CCDC57: variants seen among roughly 807,000 people sequenced by gnomAD.
CCDC57 encodes the protein coiled-coil domain-containing protein 57.
Under a neutral mutation model 118.9 loss-of-function variants are expected in CCDC57, and 118 were observed. The observed-to-expected ratio is 0.99, with a 90% CI of 0.86 to 1.16. CCDC57 has a LOEUF of 1.16. Among genes scored for constraint, CCDC57 ranks in the 50% most tolerant of loss-of-function variants. The pLI is 0.00. For missense variants in CCDC57, 1,300 were observed against 1,320.7 expected (o/e 0.98, Z 0.24); for synonymous variants, 527 against 532.9 (o/e 0.99, Z 0.15).
intron 2 of CCDC57, among the ~76,000 whole-genome samples, chr17:82,205,144 T>C (rs1223399664): frequency 6.6e-6 from 1 of 152,218 alleles, no homozygotes; most frequent in Admixed American, 6.5e-5. Flanking sequence ...AATTGGACTA[T>C]CAGCAAATAC....
chr17:82,203,244 T>C (rs1412318771), intron 2 of CCDC57, among the ~76,000 whole-genome samples: 1 of 152,150 alleles, frequency 6.6e-6, no homozygotes, highest in Admixed American at 6.5e-5. Flanking sequence ...CTGCTCCTCT[T>C]TCACCTTCCG....
chr17:82,108,259 G>C (rs1003760063), intron 19 of CCDC57, among the ~76,000 whole-genome samples: 2 of 152,184 alleles, frequency 1.3e-5, no homozygotes, highest in African/African-American at 4.8e-5. Flanking sequence ...TGGCTTGCCC[G>C]GGTCCTGGAG....
At chr17:82,198,816 C>T (rs1335805360) in intron 3 of CCDC57, among the ~76,000 whole-genome samples, 4 of 151,664 alleles carry the variant, frequency 2.6e-5, no homozygotes, top group East Asian at 3.9e-4. Context: ...CGGTGAAACC[C>T]CGTCTCTACA....
chr17:82,145,676 G>A (rs1257784873), intron 16 of CCDC57, among the ~76,000 whole-genome samples: 3 of 152,330 alleles, frequency 2.0e-5, no homozygotes, highest in Middle Eastern at 3.4e-3. Flanking sequence ...TGAGCTCCAG[G>A]CACTGCCCAC....
intron 19 of CCDC57, among the ~76,000 whole-genome samples, chr17:82,119,940 C>T (rs548967981): frequency 3.9e-5 from 6 of 152,148 alleles, no homozygotes; most frequent in African/African-American, 7.2e-5. Flanking sequence ...AGAGGTTGGC[C>T]GTGCCCTGGG....
chr17:82,146,702 C>T (rs991373814), intron 16 of CCDC57, among the ~76,000 whole-genome samples: 1 of 152,230 alleles, frequency 6.6e-6, no homozygotes, highest in Admixed American at 6.5e-5. Context: ...TCCATTGAGT[C>T]CTCCCTATGG....
chr17:82,163,072 C>T lies in CCDC57; in HGVS notation c.2040+128G>A, dbSNP rs533567957. On this transcript the variant is annotated intron_variant, in intron 14 of 19. Transcript: ENST00000665763. ...CCACAGCCCCTTCCTCAGAAAAAAACAGGCAGAGAGAGGTCAGTGGATGCC... is the reference window on the plus strand; with the variant it reads ...CCACAGCCCCTTCCTCAGAAAAAAATAGGCAGAGAGAGGTCAGTGGATGCC... 1.4e-4 allele frequency: 163 copies of T among 1,156,894 alleles called. No homozygotes were observed. In the African/African-American group the frequency reaches 2.3e-3, roughly 16 times the overall value. The allele number at this position is 1,156,894 out of a possible 1,614,324, so 71.7% of individuals were successfully genotyped here.
intron 15 of CCDC57, 190 bp downstream of exon 14, chr17:82,157,558 G>A (rs901319878): frequency 1.4e-5 from 20 of 1,430,956 alleles, no homozygotes; most frequent in Non-Finnish European, 1.7e-5. Context: ...GGAGGCGTGT[G>A]GAGGAAGAAG....
At chr17:82,169,606 G>A (rs777108190) in intron 13 of CCDC57, among the ~76,000 whole-genome samples, 2 of 152,178 alleles carry the variant, frequency 1.3e-5, no homozygotes, top group Non-Finnish European at 2.9e-5. Flanking sequence ...TGTCAAGCTC[G>A]GTGATGCTGG....
intron 19 of CCDC57, among the ~76,000 whole-genome samples, chr17:82,117,403 G>T (rs1446111799): frequency 6.6e-6 from 1 of 152,072 alleles, no homozygotes; most frequent in Non-Finnish European, 1.5e-5. Context: ...CACTTTGGGA[G>T]GCCAAGGTGG....
chr17:82,158,704 A>C (rs2042966447), intron 14 of CCDC57, among the ~76,000 whole-genome samples: 1 of 144,648 alleles, frequency 6.9e-6, no homozygotes. Context: ...AAAAAAAAAA[A>C]AGCTTGTATT....
chr17:82,163,368 G>A lies in CCDC57; in HGVS notation c.1883-11C>T. 6.2e-7 allele frequency: 1 copy of A among 1,613,276 alleles called. No individual in the cohort carries two copies. Among genetic ancestry groups the A allele is most frequent in the East Asian group, 2.2e-5 (1 of 44,860 alleles). ...CTTGGGCAGACCCTCCTGCAGAGAA[G>A]AGTGGCTTCTGTCAGCTCATACCTG... On this transcript the variant is annotated splice_polypyrimidine_tract_variant and intron_variant, in intron 13 of 19. Coordinates refer to ENST00000665763, the Ensembl canonical transcript of CCDC57.
chr17:82,178,727 A>G (rs766073527), intron 10 of CCDC57, 122 bp from the exon 10 acceptor site: 7 of 1,408,384 alleles, frequency 5.0e-6, no homozygotes, highest in Non-Finnish European at 3.8e-6. Flanking sequence ...CACTGTGGCC[A>G]GGCCGCCAAA....
In CCDC57 at chr17:82,172,926, G is replaced by A. The variant is rs748629813; in HGVS notation, c.1507-66C>T. On this transcript the variant is annotated intron_variant, in intron 11 of 19. Transcript: ENST00000665763. This position sits in a 1 kb window ranked among gnomAD's most constrained non-coding sequence, Gnocchi z 5.2. ...GTTCCCCAGCTTGTCCTGACAGGCTGTGCCTCCGCTCTCCCCGCGCCCCTC... is the reference window on the plus strand; with the variant it reads ...GTTCCCCAGCTTGTCCTGACAGGCTATGCCTCCGCTCTCCCCGCGCCCCTC... 2.8e-6 allele frequency: 4 copies of A among 1,433,068 alleles called. No homozygotes were observed. The highest frequency in any genetic ancestry group is 1.9e-5 in the Admixed American group (1 of 51,652). 88.8% of individuals were successfully genotyped at this position (1,433,068 alleles called of 1,614,324 possible).
At position 82,192,225 on chromosome 17, in the gene CCDC57, T is replaced by A. The variant is rs1357215926; in HGVS notation, c.851+1531A>T. Among the ~76,000 whole-genome samples the A allele has an allele frequency of 6.6e-6, 1 of 152,100 alleles. No individual in the cohort carries two copies. Among genetic ancestry groups the A allele is most frequent in the Non-Finnish European group, 1.5e-5 (1 of 68,024 alleles). On this transcript the variant is annotated intron_variant, in intron 7 of 19. Coordinates refer to ENST00000665763, the Ensembl canonical transcript of CCDC57. This position sits in a 1 kb window ranked among gnomAD's most constrained non-coding sequence, Gnocchi z 4.0. ...GTCTCAAACTCCTGACCTCAAGTGA[T>A]CCCCCTGACTCAGCCTCCCAAAGTG...
chr17:82,201,728 G>A lies in CCDC57; in HGVS notation c.217C>T (p.Arg73Cys), dbSNP rs770210260. The A allele has an allele frequency of 2.1e-5, 34 of 1,613,848 alleles. No individual in the cohort carries two copies. Among genetic ancestry groups the A allele is most frequent in the South Asian group, 8.8e-5 (8 of 91,086 alleles). Residue 73 changes from arginine to cysteine, a missense_variant, in exon 3 of 20, where the codon CGC (arginine) becomes TGC (cysteine). Coordinates refer to ENST00000665763, the Ensembl canonical transcript of CCDC57. ...GCCTGGGCGAAGGCGGCGTCATAGC[G>A]CTCCAGCTCGAGGTCCCGCTCCTCC...
At chr17:82,201,887 C>T in exon 3 of CCDC57, 1 of 1,610,410 alleles carries the variant, frequency 6.2e-7, no homozygotes, top group Non-Finnish European at 8.5e-7. Context: ...GCCCTCCACT[C>T]CTCCTCCTTG....
intron 16 of CCDC57, among the ~76,000 whole-genome samples, chr17:82,137,543 C>T (rs2039384462): frequency 6.6e-6 from 1 of 152,138 alleles, no homozygotes; most frequent in Non-Finnish European, 1.5e-5. Flanking sequence ...AGCTTTTTGT[C>T]ACTTTCACGT....
In CCDC57 at chr17:82,127,770, T is replaced by A. The variant is rs996405601; in HGVS notation, c.2821A>T (p.Thr941Ser). ...AGCAACCTCCACATGTCCTGGAGGG[T>A]GCCACTGGCAAAGGAGGAGGAGCTG... Residue 941 changes from threonine to serine, a missense_variant, in exon 19 of 20, where the codon ACC becomes TCC. By Grantham distance (58) the Thr-to-Ser change is moderately conservative. Transcript: ENST00000665763. 1.9e-6 allele frequency: 3 copies of A among 1,612,814 alleles called. No homozygotes were observed. The African/African-American group carries it at 4.0e-5, about 22-fold the overall frequency.
Sources: allele counts gnomAD v4.1 joint callset (sites outside exome capture counted in the v4.1 genomes callset), GRCh38; gene constraint gnomAD v4.1.1; non-coding constraint Gnocchi (gnomAD v3.1); transcripts MANE v1.5; gene names NCBI Gene and HGNC (gene_info 2026-07-23, HGNC 2026-07-21).